The following ZFHX3 variants were observed in gnomAD, a reference collection of about 807,000 sequenced individuals.
The protein encoded by ZFHX3 is zinc finger homeobox protein 3.
Under a neutral mutation model 279.1 loss-of-function variants are expected in ZFHX3, and 42 were observed. The ratio of observed to expected loss-of-function variants is 0.15; its 90% CI spans 0.12 to 0.19. ZFHX3 has a LOEUF of 0.19. Among genes scored for constraint, ZFHX3 ranks in the 10% least tolerant of loss-of-function variants. The probability of loss-of-function intolerance (pLI) is 1.00; values close to 1 mark genes in which losing one functional copy is unlikely to be tolerated. For synonymous variants in ZFHX3, 2,293 were observed against 1,957.8 expected (o/e 1.17, Z -4.52); for missense variants, 4,981 against 4,754.0 (o/e 1.05, Z -1.40).
At chr16:73,652,212 G>A (rs2052678585) in intron 2 of ZFHX3, among the ~76,000 whole-genome samples, 1 of 152,318 alleles carries the variant, frequency 6.6e-6, no homozygotes, top group Non-Finnish European at 1.5e-5. Flanking sequence ...TGGACCCAAA[G>A]TGAGGGCTCC....
At chr16:73,340,966 A>G (rs986201462) in intron 3 of ZFHX3, among the ~76,000 whole-genome samples, 3 of 152,244 alleles carry the variant, frequency 2.0e-5, no homozygotes, top group Non-Finnish European at 4.4e-5. Flanking sequence ...CAAAATCAAA[A>G]GATGCGTGAC....
chr16:72,947,776 T>C (rs1960772311), intron 3 of ZFHX3, among the ~76,000 whole-genome samples: 1 of 152,140 alleles, frequency 6.6e-6, no homozygotes, highest in Admixed American at 6.5e-5. Flanking sequence ...CCGGGTCAGC[T>C]GCATCTGGAG....
chr16:73,702,541 C>A (rs776499280), intron 1 of ZFHX3, among the ~76,000 whole-genome samples: 1 of 152,122 alleles, frequency 6.6e-6, no homozygotes, highest in Admixed American at 6.5e-5. Flanking sequence ...GAATAAAAAT[C>A]GCATGAGATT....
chr16:72,794,443 G>A lies in ZFHX3; in HGVS notation c.8239C>T (p.Leu2747=). 1 of 1,614,114 alleles carries A rather than the reference G, an allele frequency of 6.2e-7. No individual in the cohort carries two copies. The highest frequency in any genetic ancestry group is 1.1e-5 in the South Asian group (1 of 91,084). Residue 2747 remains leucine, a synonymous_variant, in exon 9 of 10, where the codon CTG becomes TTG. Transcript: ENST00000268489. This position sits in a 1 kb window ranked among gnomAD's most constrained non-coding sequence, Gnocchi z 4.2. ...TCACAGTCTAAGAGCATCGCAGACAGAGTTAGGTTGTAGCCAGCTCTCTTG... is the reference window on the plus strand; with the variant it reads ...TCACAGTCTAAGAGCATCGCAGACAAAGTTAGGTTGTAGCCAGCTCTCTTG... ...EAKRAGYNLT[L]SAMLLDCDGG...
chr16:73,627,818 T>C (rs1015801178), intron 2 of ZFHX3, among the ~76,000 whole-genome samples: 3 of 152,248 alleles, frequency 2.0e-5, no homozygotes, highest in Admixed American at 6.5e-5. Flanking sequence ...CTCAGGAGGC[T>C]GAGGCAGGAG....
chr16:73,532,922 A>AGG (rs200067476), intron 2 of ZFHX3, among the ~76,000 whole-genome samples: 1 of 152,054 alleles, frequency 6.6e-6, no homozygotes, highest in African/African-American at 2.4e-5. Context: ...CACCCTGTAA[A>AGG]GGGGGGGCCT....
At chr16:73,286,177 A>T (rs1439361668) in intron 4 of ZFHX3, among the ~76,000 whole-genome samples, 5 of 151,638 alleles carry the variant, frequency 3.3e-5, no homozygotes, top group African/African-American at 7.3e-5. Flanking sequence ...TCTCTCTCTC[A>T]CACACACATG....
At chr16:73,792,242 C>T (rs917597772) in intron 1 of ZFHX3, among the ~76,000 whole-genome samples, 2 of 152,122 alleles carry the variant, frequency 1.3e-5, no homozygotes, top group Admixed American at 6.5e-5. Context: ...CTTTTATTTC[C>T]GCCATTGTAA....
chr16:73,109,368 A>T (rs1223124976), intron 7 of ZFHX3, among the ~76,000 whole-genome samples: 2 of 152,270 alleles, frequency 1.3e-5, no homozygotes, highest in East Asian at 1.9e-4. Context: ...TTAATCCAGA[A>T]TATGAACAAA....
chr16:73,022,329 G>C (rs1210945899), intron 1 of ZFHX3, among the ~76,000 whole-genome samples: 1 of 152,154 alleles, frequency 6.6e-6, no homozygotes, highest in Non-Finnish European at 1.5e-5. Context: ...CCTGAGTCAG[G>C]CCTGCAAGCC....
At chr16:72,848,338 G>A (rs1165997243) in intron 4 of ZFHX3, among the ~76,000 whole-genome samples, 2 of 152,116 alleles carry the variant, frequency 1.3e-5, no homozygotes, top group East Asian at 1.9e-4. Flanking sequence ...TTGATCTGCC[G>A]CACACTCGGT....
intron 4 of ZFHX3, among the ~76,000 whole-genome samples, chr16:73,283,668 A>G (rs1399441599): frequency 6.6e-6 from 1 of 152,256 alleles, no homozygotes; most frequent in African/African-American, 2.4e-5. Context: ...CGAACATGGT[A>G]GACTTAAACA....
chr16:73,477,047 C>T (rs2018777531), intron 2 of ZFHX3, among the ~76,000 whole-genome samples: 1 of 152,104 alleles, frequency 6.6e-6, no homozygotes. Flanking sequence ...TTTGCACCTG[C>T]ATAACAAAAA....
intron 2 of ZFHX3, among the ~76,000 whole-genome samples, chr16:73,535,137 C>A (rs1039796781): frequency 4.6e-5 from 7 of 152,252 alleles, no homozygotes; most frequent in Non-Finnish European, 4.4e-5. Context: ...CACTATGTCC[C>A]TGAATGGAGA....
intron 3 of ZFHX3, among the ~76,000 whole-genome samples, chr16:73,437,259 T>C (rs550092784): frequency 8.1e-4 from 124 of 152,290 alleles, no homozygotes; most frequent in African/African-American, 2.8e-3. Flanking sequence ...AAATGACTGG[T>C]TCAAGGTCAC....
chr16:73,436,056 G>A (rs554402639), intron 3 of ZFHX3, among the ~76,000 whole-genome samples: 55 of 152,358 alleles, frequency 3.6e-4, no homozygotes, highest in African/African-American at 7.5e-4. Flanking sequence ...GTAGCCCGGC[G>A]CGGTGGCTCA....
chr16:73,569,943 T>G (rs755756159), intron 2 of ZFHX3, among the ~76,000 whole-genome samples: 3 of 151,880 alleles, frequency 2.0e-5, no homozygotes, highest in Non-Finnish European at 4.4e-5. Flanking sequence ...ACCCCCTCCA[T>G]GAGAAGGCAG....
At chr16:73,103,864 C>G (rs765995266) in intron 7 of ZFHX3, among the ~76,000 whole-genome samples, 6 of 152,092 alleles carry the variant, frequency 3.9e-5, no homozygotes, top group East Asian at 1.9e-4. Flanking sequence ...TCAGATAAAA[C>G]TAGGCTTGTT....
intron 2 of ZFHX3, among the ~76,000 whole-genome samples, chr16:73,467,120 A>T (rs143693631): frequency 1.3e-5 from 2 of 152,296 alleles, no homozygotes; most frequent in East Asian, 3.9e-4. Flanking sequence ...GGCTAAAGGG[A>T]ACTGAGTGAT....
Sources: allele counts gnomAD v4.1 joint callset (sites outside exome capture counted in the v4.1 genomes callset), GRCh38; gene constraint gnomAD v4.1.1; non-coding constraint Gnocchi (gnomAD v3.1); transcripts MANE v1.5; gene names NCBI Gene and HGNC (gene_info 2026-07-23, HGNC 2026-07-21).